OR2C1: variants seen among roughly 807,000 people sequenced by gnomAD.
OR2C1 encodes olfactory receptor 2C1.
For synonymous variants in OR2C1, 209 were observed against 167.3 expected (o/e 1.25, Z -1.92); for missense variants, 468 against 388.3 (o/e 1.21, Z -1.73).
At chr16:3,344,607 GTCCCAGCT>G in the OR2C1 span, among the ~76,000 whole-genome samples, 3 of 151,856 alleles carry the variant, frequency 2.0e-5, no homozygotes, top group Non-Finnish European at 4.4e-5. Flanking sequence ...GGCGCCTGTA[GTCCCAGCT>G]ACTCGGGAGG....
At chr16:3,347,769 C>T in the OR2C1 span, among the ~76,000 whole-genome samples, 1 of 151,862 alleles carries the variant, frequency 6.6e-6, no homozygotes, top group Non-Finnish European at 1.5e-5. Context: ...CACATATGAA[C>T]ACACATGCAC....
the OR2C1 span, among the ~76,000 whole-genome samples, chr16:3,329,015 A>G: frequency 8.0e-6 from 1 of 124,704 alleles, no homozygotes; most frequent in Non-Finnish European, 1.8e-5. Flanking sequence ...ATTAATTTGA[A>G]GCAGGGTCTC....
chr16:3,327,127 T>C, the OR2C1 span, among the ~76,000 whole-genome samples: 3 of 152,158 alleles, frequency 2.0e-5, no homozygotes, highest in African/African-American at 4.8e-5. Flanking sequence ...GTTTTTCTTA[T>C]GGAAGTTATC....
At chr16:3,343,368 A>T in the OR2C1 span, among the ~76,000 whole-genome samples, 2 of 152,156 alleles carry the variant, frequency 1.3e-5, no homozygotes, top group Admixed American at 1.3e-4. Flanking sequence ...TGCTGTGATT[A>T]CAGGCATGAG....
the OR2C1 span, among the ~76,000 whole-genome samples, chr16:3,330,626 T>C: frequency 6.6e-6 from 1 of 152,244 alleles, no homozygotes; most frequent in Non-Finnish European, 1.5e-5. Flanking sequence ...ATGTATGTGA[T>C]GATTGAATAC....
chr16:3,342,602 G>A, the OR2C1 span, among the ~76,000 whole-genome samples: 10 of 152,212 alleles, frequency 6.6e-5, no homozygotes, highest in African/African-American at 2.4e-4. Context: ...AAACGAGGCC[G>A]GGCGCAGTGA....
downstream of OR2C1, among the ~76,000 whole-genome samples, chr16:3,357,979 CAAT>C (rs766585452): frequency 4.0e-5 from 6 of 151,830 alleles, no homozygotes; most frequent in East Asian, 5.8e-4. Context: ...AACTCCGTCT[CAAT>C]AATAATAATA....
upstream of OR2C1, among the ~76,000 whole-genome samples, chr16:3,351,898 T>C (rs2030579140): frequency 6.6e-6 from 1 of 151,694 alleles, no homozygotes; most frequent in African/African-American, 2.4e-5. Context: ...TTTTTTTTTT[T>C]TTTTTTTCGT....
the OR2C1 span, among the ~76,000 whole-genome samples, chr16:3,335,172 G>T: frequency 6.6e-6 from 1 of 152,234 alleles, no homozygotes; most frequent in East Asian, 1.9e-4. Context: ...TCTTTTGTGG[G>T]TCTGTATAAC....
chr16:3,343,616 G>A, the OR2C1 span, among the ~76,000 whole-genome samples: 1 of 152,132 alleles, frequency 6.6e-6, no homozygotes, highest in Non-Finnish European at 1.5e-5. Flanking sequence ...GCCAGGTGTG[G>A]TGGTGGGCGC....
the OR2C1 span, among the ~76,000 whole-genome samples, chr16:3,342,826 G>A: frequency 5.9e-5 from 9 of 152,188 alleles, no homozygotes; most frequent in East Asian, 3.9e-4. Context: ...GCAGTGAGCC[G>A]AGATCGCTGC....
chr16:3,335,684 A>G, the OR2C1 span, among the ~76,000 whole-genome samples: 1 of 151,606 alleles, frequency 6.6e-6, no homozygotes, highest in African/African-American at 2.4e-5. Context: ...CCACCACCAC[A>G]TCCAGCTAAT....
the OR2C1 span, among the ~76,000 whole-genome samples, chr16:3,328,800 A>T: frequency 6.6e-6 from 1 of 152,178 alleles, no homozygotes; most frequent in African/African-American, 2.4e-5. Flanking sequence ...GTTCAAGCCC[A>T]GAGAGTGTTG....
At chr16:3,346,403 G>C in the OR2C1 span, among the ~76,000 whole-genome samples, 1 of 152,268 alleles carries the variant, frequency 6.6e-6, no homozygotes, top group African/African-American at 2.4e-5. Context: ...AGTACGTCCA[G>C]CTGGACTCTG....
upstream of OR2C1, among the ~76,000 whole-genome samples, chr16:3,352,356 C>T (rs2030586106): frequency 1.3e-5 from 2 of 152,106 alleles, no homozygotes; most frequent in Non-Finnish European, 1.5e-5. Context: ...ACCTCGTGAT[C>T]CACCCGCCTC....
At chr16:3,341,582 C>G in the OR2C1 span, among the ~76,000 whole-genome samples, 1 of 152,210 alleles carries the variant, frequency 6.6e-6, no homozygotes, top group African/African-American at 2.4e-5. Context: ...ACAACCCCCT[C>G]CTAAGATTCA....
At position 3,356,424 on chromosome 16, in the gene OR2C1, T is replaced by C; in HGVS notation, c.484T>C (p.Phe162Leu). 6.2e-7 allele frequency: 1 copy of C among 1,613,958 alleles called. No individual in the cohort carries two copies. The highest frequency in any genetic ancestry group is 8.5e-7 in the Non-Finnish European group (1 of 1,180,034). ...GGGCAACTCTGTGATCCAGTCAACA[T>C]TCACTCTGCAGCTCCCATTGTGTGG... The part of the protein sequence containing the change: ...GLGNSVIQST[F>L]TLQLPLCGHR... The change falls in exon 1 of 1, where the codon TTC becomes CTC. Residue 162 changes from phenylalanine to leucine, a missense_variant. Transcript: ENST00000304936.
At chr16:3,349,058 C>T in the OR2C1 span, among the ~76,000 whole-genome samples, 1 of 152,100 alleles carries the variant, frequency 6.6e-6, no homozygotes, top group Non-Finnish European at 1.5e-5. Flanking sequence ...CATGTAACCA[C>T]TATATGTTCA....
the OR2C1 span, chr16:3,323,668 G>T: frequency 2.9e-6 from 2 of 691,276 alleles, no homozygotes; most frequent in Non-Finnish European, 2.6e-6. Context: ...CAAAGGCCAA[G>T]GAATGTTTAT....
Sources: gnomAD v4.1 joint callset for allele counts (sites outside exome capture counted in the v4.1 genomes callset) on GRCh38, gnomAD v4.1.1 for gene constraint, MANE v1.5 for transcripts, NCBI Gene and HGNC (gene_info 2026-07-23, HGNC 2026-07-21) for gene names.